HCN1: variants seen among roughly 807,000 people sequenced by gnomAD.
HCN1 encodes the protein hyperpolarization activated cyclic nucleotide gated potassium channel 1.
HCN1 carries 13 observed loss-of-function variants against 78.9 expected under a neutral mutation model. The ratio of observed to expected loss-of-function variants is 0.16; its 90% confidence interval spans 0.11 to 0.26. HCN1 has a LOEUF of 0.26. Ranked by LOEUF, HCN1 falls within the 10% of genes least tolerant of loss-of-function variation. The probability of loss-of-function intolerance (pLI) is 1.00; values close to 1 mark genes in which losing one functional copy is unlikely to be tolerated. For missense variants in HCN1, 810 were observed against 1,154.3 expected (o/e 0.70, Z 4.32); for synonymous variants, 552 against 455.5 (o/e 1.21, Z -2.70).
At chr5:45,576,996 C>G (rs1226478769) in intron 2 of HCN1, among the ~76,000 whole-genome samples, 1 of 152,040 alleles carries the variant, frequency 6.6e-6, no homozygotes. Context: ...TTTGATGTCT[C>G]TGTACCAAAT....
intron 2 of HCN1, among the ~76,000 whole-genome samples, chr5:45,592,815 A>AT (rs1744402127): frequency 6.6e-6 from 1 of 152,196 alleles, no homozygotes; most frequent in Admixed American, 6.5e-5. Context: ...CTTTTTTAAC[A>AT]TAGGTACAAG....
intron 2 of HCN1, among the ~76,000 whole-genome samples, chr5:45,607,604 T>C (rs1408491177): frequency 6.7e-6 from 1 of 149,106 alleles, no homozygotes; most frequent in Non-Finnish European, 1.5e-5. Flanking sequence ...TATCTATAGA[T>C]AGATCCAGAT....
chr5:45,318,574 T>G (rs1746051894), intron 5 of HCN1, among the ~76,000 whole-genome samples: 1 of 150,960 alleles, frequency 6.6e-6, no homozygotes, highest in Non-Finnish European at 1.5e-5. Flanking sequence ...AGAAAAAATA[T>G]TATTTAATAA....
rs1364041099 is a variant in HCN1 at position 45,353,944 on chromosome 5, G to A, written c.1231-698C>T. ...TGTTTTAAGAACTGGGGAGGGCATT[G>A]CTTTTTTGGAAGGCTGATCTTCAGG... On this transcript the variant is annotated intron_variant, in intron 4 of 7. Coordinates refer to ENST00000303230, the MANE Select transcript of HCN1 (RefSeq NM_021072.4). Among the ~76,000 whole-genome samples, 4 of 151,878 alleles carry A rather than the reference G, an allele frequency of 2.6e-5. No individual in the cohort carries two copies. The East Asian group carries it at 7.7e-4, about 29-fold the overall frequency.
intron 6 of HCN1, among the ~76,000 whole-genome samples, chr5:45,289,076 C>G (rs561140846): frequency 6.6e-6 from 1 of 152,086 alleles, no homozygotes; most frequent in South Asian, 2.1e-4. Context: ...GGGCATTATA[C>G]AATATAACCT....
At chr5:45,633,307 T>A (rs1580009108) in intron 2 of HCN1, among the ~76,000 whole-genome samples, 2 of 129,386 alleles carry the variant, frequency 1.5e-5, no homozygotes. Context: ...ATTTTAAATA[T>A]TTTTTTTAAC....
intron 3 of HCN1, among the ~76,000 whole-genome samples, chr5:45,428,387 T>C (rs1740392975): frequency 6.6e-6 from 1 of 152,020 alleles, no homozygotes; most frequent in African/African-American, 2.4e-5. Flanking sequence ...CTTGGGTCCT[T>C]ACTTTCCCTT....
intron 4 of HCN1, among the ~76,000 whole-genome samples, chr5:45,362,154 TTGTGTGTGTGTGTG>T (rs200176463): frequency 7.0e-6 from 1 of 142,562 alleles, no homozygotes; most frequent in Non-Finnish European, 1.6e-5. Context: ...GTGTGTGTGT[TTGTGTGTGTGTGTG>T]TGTGTGTGTG....
chr5:45,503,445 G>C (rs1742230831), intron 2 of HCN1, among the ~76,000 whole-genome samples: 1 of 152,026 alleles, frequency 6.6e-6, no homozygotes, highest in African/African-American at 2.4e-5. Flanking sequence ...TTTAGTTCTA[G>C]ATTTAGCTTA....
chr5:45,661,414 C>T (rs1745933947), intron 1 of HCN1, among the ~76,000 whole-genome samples: 2 of 150,566 alleles, frequency 1.3e-5, no homozygotes, highest in Non-Finnish European at 2.9e-5. Flanking sequence ...CAAGAGCAAA[C>T]ACATTCAAAT....
At chr5:45,342,558 CA>C (rs1237620953) in intron 5 of HCN1, among the ~76,000 whole-genome samples, 1 of 151,906 alleles carries the variant, frequency 6.6e-6, no homozygotes, top group East Asian at 1.9e-4. Context: ...TTTCTTTTAA[CA>C]AAATATAAAA....
At chr5:45,266,158 T>C (rs565407617) in intron 7 of HCN1, among the ~76,000 whole-genome samples, 80 of 152,360 alleles carry the variant, frequency 5.3e-4, no homozygotes, top group Non-Finnish European at 1.1e-3. Flanking sequence ...ATGGCAATTA[T>C]GCAAATCTTC....
chr5:45,655,891 C>T (rs1745756329), intron 1 of HCN1, among the ~76,000 whole-genome samples: 1 of 152,142 alleles, frequency 6.6e-6, no homozygotes, highest in Non-Finnish European at 1.5e-5. Flanking sequence ...TGCAAAAAAA[C>T]ACTTGGGAAG....
intron 1 of HCN1, among the ~76,000 whole-genome samples, chr5:45,660,661 C>G (rs1036654226): frequency 8.8e-5 from 13 of 147,910 alleles, no homozygotes; most frequent in East Asian, 8.0e-4. Flanking sequence ...ATCCTAGTCT[C>G]TGATAAAACA....
chr5:45,640,504 T>C (rs1745431831), intron 2 of HCN1, among the ~76,000 whole-genome samples: 1 of 151,958 alleles, frequency 6.6e-6, no homozygotes, highest in Non-Finnish European at 1.5e-5. Flanking sequence ...AAATTTTCAC[T>C]GGAAAGGTAT....
chr5:45,683,662 T>C (rs369160627), intron 1 of HCN1, among the ~76,000 whole-genome samples: 2 of 151,304 alleles, frequency 1.3e-5, no homozygotes, highest in Admixed American at 6.6e-5. Context: ...CACACACACA[T>C]ATGTTTTGTC....
Position 45,521,161 on chromosome 5 carries a change from G to C in HCN1, c.850-59154C>G, listed in dbSNP as rs945953768. 5.3e-5 allele frequency among the ~76,000 whole-genome samples: 8 copies of C among 151,820 alleles called. No homozygotes were observed. In the East Asian group the frequency reaches 7.8e-4, roughly 15 times the overall value. ...GGAATCCAAAGAAGATAAATATATA[G>C]AGAGAGCACCCTAAAGGAGAGTGAA... On this transcript the variant is annotated intron_variant, in intron 2 of 7. Transcript: ENST00000303230.
chr5:45,579,245 A>G (rs1173244143), intron 2 of HCN1, among the ~76,000 whole-genome samples: 1 of 152,090 alleles, frequency 6.6e-6, no homozygotes, highest in Non-Finnish European at 1.5e-5. Flanking sequence ...TCTTATTGGT[A>G]GTCAGATAAA....
At chr5:45,446,452 G>T (rs1740798697) in intron 3 of HCN1, among the ~76,000 whole-genome samples, 1 of 152,228 alleles carries the variant, frequency 6.6e-6, no homozygotes, top group African/African-American at 2.4e-5. Flanking sequence ...AACCAAGTTG[G>T]AAAACACTCT....
Sources: allele counts gnomAD v4.1 joint callset (sites outside exome capture counted in the v4.1 genomes callset), GRCh38; gene constraint gnomAD v4.1.1; transcripts MANE v1.5; gene names NCBI Gene and HGNC (gene_info 2026-07-23, HGNC 2026-07-21).